Variants in IL1RAPL2 observed in about 807,000 individuals in gnomAD.
IL1RAPL2 encodes X-linked interleukin-1 receptor accessory protein-like 2.
In IL1RAPL2, 3 loss-of-function variants were observed where a neutral mutation model predicts 44.1. That is an observed-to-expected ratio of 0.07 (90% CI 0.03 to 0.18). The LOEUF (loss-of-function observed/expected upper bound fraction) is 0.18. Ranked by LOEUF, IL1RAPL2 falls within the 10% of genes least tolerant of loss-of-function variation. The probability of loss-of-function intolerance (pLI) is 1.00; values close to 1 mark genes in which losing one functional copy is unlikely to be tolerated. For synonymous variants in IL1RAPL2, 181 were observed against 178.8 expected (o/e 1.01, Z -0.10); for missense variants, 391 against 496.4 (o/e 0.79, Z 2.02).
At chrX:105,524,993 T>C (rs917371599) in intron 6 of IL1RAPL2, among the ~76,000 whole-genome samples, 1 of 111,878 alleles carries the variant, frequency 8.9e-6, no homozygotes, top group African/African-American at 3.2e-5. Flanking sequence ...AGTTTTTTCC[T>C]TGTAATTAGT....
chrX:104,915,607 C>T (rs1296048594), intron 2 of IL1RAPL2, among the ~76,000 whole-genome samples: 8 of 110,019 alleles, frequency 7.3e-5, no homozygotes, highest in African/African-American at 2.0e-4. Flanking sequence ...CTTTTGTTGC[C>T]ATTGCTTTTG....
At chrX:105,341,093 T>A (rs988192034) in intron 5 of IL1RAPL2, among the ~76,000 whole-genome samples, 1 of 111,818 alleles carries the variant, frequency 8.9e-6, no homozygotes, top group African/African-American at 3.2e-5. Flanking sequence ...AACCAGGCAC[T>A]TCAACACAGA....
At position 104,688,255 on chromosome X, in the gene IL1RAPL2, C is replaced by A. The variant is rs893745612; in HGVS notation, c.82+29260C>A. ...TCTCAGAGAGGTTGTCACTAACCAC[C>A]CCCAAAATTAGGTGTACCCAGTTTT... On this transcript the variant is annotated intron_variant, in intron 2 of 10. Coordinates refer to ENST00000372582, the MANE Select transcript of IL1RAPL2 (RefSeq NM_017416.2). Among the ~76,000 whole-genome samples, 3 of 111,991 alleles carry A rather than the reference C, an allele frequency of 2.7e-5. 1 individual carries two copies.
chrX:105,021,633 A>G (rs528346945), intron 2 of IL1RAPL2, among the ~76,000 whole-genome samples: 1 of 111,142 alleles, frequency 9.0e-6, no homozygotes, highest in African/African-American at 3.3e-5. Context: ...AGACTCAGAT[A>G]TCTATGATGT....
intron 2 of IL1RAPL2, among the ~76,000 whole-genome samples, chrX:105,085,736 A>G (rs982402083): frequency 1.8e-5 from 2 of 111,937 alleles, no homozygotes; most frequent in African/African-American, 6.5e-5. Context: ...TTGAAAGCTC[A>G]TGTATAACTT....
At chrX:105,295,768 GTC>G (rs1219996679) in intron 5 of IL1RAPL2, among the ~76,000 whole-genome samples, 2 of 111,618 alleles carry the variant, frequency 1.8e-5, no homozygotes, top group Non-Finnish European at 3.8e-5. Context: ...AAAAAAATAA[GTC>G]TCTGATCTAG....
intron 2 of IL1RAPL2, among the ~76,000 whole-genome samples, chrX:104,891,778 C>G (rs1301933331): frequency 9.0e-6 from 1 of 111,270 alleles, no homozygotes; most frequent in Non-Finnish European, 1.9e-5. Context: ...TAATTGAATA[C>G]CCTTTATTTC....
chrX:105,387,148 ATT>A (rs568965890), intron 5 of IL1RAPL2, among the ~76,000 whole-genome samples: 13,694 of 102,806 alleles, frequency 0.13, 2,267 homozygotes, highest in African/African-American at 0.45. Context: ...ATGATAAAGA[ATT>A]TTTTTTTTTT....
intron 2 of IL1RAPL2, among the ~76,000 whole-genome samples, chrX:105,067,489 T>A (rs2032152206): frequency 9.0e-6 from 1 of 111,662 alleles, no homozygotes; most frequent in Admixed American, 9.5e-5. Flanking sequence ...TAACAAGTAC[T>A]ATTTGTCAGG....
chrX:105,178,223 T>C (rs2033494653), intron 2 of IL1RAPL2, among the ~76,000 whole-genome samples: 1 of 111,175 alleles, frequency 9.0e-6, no homozygotes, highest in Admixed American at 9.6e-5. Context: ...AGTGAGAACA[T>C]GTGACGTTTG....
At chrX:104,813,302 T>C (rs1921044343) in intron 2 of IL1RAPL2, among the ~76,000 whole-genome samples, 1 of 111,092 alleles carries the variant, frequency 9.0e-6, no homozygotes, top group African/African-American at 3.3e-5. Flanking sequence ...GAGCAAGGAA[T>C]GCCTAAGGAT....
intron 5 of IL1RAPL2, among the ~76,000 whole-genome samples, chrX:105,306,914 A>G (rs958064353): frequency 9.0e-6 from 1 of 111,393 alleles, no homozygotes; most frequent in Admixed American, 9.6e-5. Flanking sequence ...AAAGGAAAGT[A>G]GTTTAATTAA....
Position 105,217,998 on chromosome X carries a change from G to A in IL1RAPL2, c.357-15820G>A, listed in dbSNP as rs145759558. Among the ~76,000 whole-genome samples, 341 of 110,597 alleles carry A rather than the reference G, an allele frequency of 3.1e-3. 1 individual carries two copies. The highest frequency in any genetic ancestry group is 0.011 in the African/African-American group (327 of 30,353). Reference sequence around the variant, plus strand: ...ATTACGACAAATATCTAACACATGCGGAGCTTAAAACCTAGATGAAGGGTT... The same window carrying A: ...ATTACGACAAATATCTAACACATGCAGAGCTTAAAACCTAGATGAAGGGTT... On this transcript the variant is annotated intron_variant, in intron 3 of 10. Coordinates refer to ENST00000372582, the MANE Select transcript of IL1RAPL2 (RefSeq NM_017416.2).
chrX:105,352,224 C>G (rs1311899801), intron 5 of IL1RAPL2, among the ~76,000 whole-genome samples: 1 of 112,149 alleles, frequency 8.9e-6, no homozygotes, highest in Non-Finnish European at 1.9e-5. Context: ...GCCATGGCAC[C>G]TAGCTGCCAC....
intron 2 of IL1RAPL2, among the ~76,000 whole-genome samples, chrX:104,905,847 A>G (rs1487313669): frequency 4.5e-5 from 5 of 110,837 alleles, no homozygotes; most frequent in African/African-American, 1.6e-4. Context: ...GAAGAAAGTC[A>G]TTGGTAGCTT....
Position 105,369,246 on chromosome X carries a change from G to C in IL1RAPL2, c.697+101705G>C, listed in dbSNP as rs149030038. On this transcript the variant is annotated intron_variant, in intron 5 of 10. Transcript: ENST00000372582. ...TTTACTTGACTCTCTGATACTTTCTGTGAATTAGATAAAAATTCTCCTCTC... is the reference window on the plus strand; with the variant it reads ...TTTACTTGACTCTCTGATACTTTCTCTGAATTAGATAAAAATTCTCCTCTC... Among the ~76,000 whole-genome samples, 193 of 110,590 alleles carry C rather than the reference G, an allele frequency of 1.7e-3. 1 individual carries two copies. Among genetic ancestry groups the C allele is most frequent in the African/African-American group, 5.6e-3 (172 of 30,446 alleles).
chrX:105,273,447 C>G (rs2034462631), intron 5 of IL1RAPL2, among the ~76,000 whole-genome samples: 1 of 111,453 alleles, frequency 9.0e-6, no homozygotes, highest in African/African-American at 3.3e-5. Context: ...AAATATTACT[C>G]TAACTTTCTC....
chrX:105,657,629 G>A (rs2037685487), intron 6 of IL1RAPL2, among the ~76,000 whole-genome samples: 1 of 112,002 alleles, frequency 8.9e-6, no homozygotes, highest in African/African-American at 3.2e-5. Flanking sequence ...TTCTTCTTTT[G>A]TTGAGATGGA....
intron 4 of IL1RAPL2, among the ~76,000 whole-genome samples, chrX:105,237,315 G>A (rs1396060679): frequency 8.9e-6 from 1 of 111,933 alleles, no homozygotes; most frequent in East Asian, 2.8e-4. Context: ...CGGTGTGCAT[G>A]TGTCTTTATA....
Sources: gnomAD v4.1 joint callset for allele counts (sites outside exome capture counted in the v4.1 genomes callset) on GRCh38, gnomAD v4.1.1 for gene constraint, MANE v1.5 for transcripts, NCBI Gene and HGNC (gene_info 2026-07-23, HGNC 2026-07-21) for gene names.